The following MAMDC2 variants were observed in gnomAD, a reference collection of about 807,000 sequenced individuals.
MAMDC2 encodes the protein MAM domain containing 2.
In MAMDC2, 57 loss-of-function variants were observed where a neutral mutation model predicts 89.8. That is an observed-to-expected ratio of 0.63 (90% CI 0.51 to 0.79). The LOEUF (loss-of-function observed/expected upper bound fraction) is 0.79. Ranked by LOEUF, MAMDC2 falls within the 30% of genes least tolerant of loss-of-function variation. MAMDC2 has a pLI of 0.00. For missense variants in MAMDC2, 800 were observed against 820.6 expected (o/e 0.97, Z 0.31); for synonymous variants, 313 against 293.4 (o/e 1.07, Z -0.68).
In MAMDC2 at chr9:70,182,205, C is replaced by T. The variant is rs151281755; in HGVS notation, c.1651+11574C>T. On this transcript the variant is annotated intron_variant, in intron 11 of 13. Transcript: ENST00000377182. Reference sequence around the variant, plus strand: ...CAGCCTTGTATCCCAGGGATGAAGCCGACTTGATTGTGGTGGATAAGCTTT... The same window carrying T: ...CAGCCTTGTATCCCAGGGATGAAGCTGACTTGATTGTGGTGGATAAGCTTT... 6.0e-3 allele frequency among the ~76,000 whole-genome samples: 911 copies of T among 152,196 alleles called. 17 individuals are homozygous for T. The highest frequency in any genetic ancestry group is 0.02 in the African/African-American group (839 of 41,538).
chr9:70,085,953 T>G (rs1827762003), intron 2 of MAMDC2: 1 of 152,114 alleles, frequency 6.6e-6, no homozygotes, highest in Non-Finnish European at 1.5e-5. Context: ...TTTATTATCT[T>G]TCAACATGTT....
At chr9:70,052,540 C>G (rs1245053307) in intron 2 of MAMDC2, among the ~76,000 whole-genome samples, 1 of 152,170 alleles carries the variant, frequency 6.6e-6, no homozygotes, top group East Asian at 1.9e-4. Context: ...CCATGGCTCT[C>G]TGCACTTTCC....
At chr9:70,222,160 G>A (rs1207763170) in intron 12 of MAMDC2, among the ~76,000 whole-genome samples, 2 of 152,122 alleles carry the variant, frequency 1.3e-5, no homozygotes, top group Admixed American at 1.3e-4. Context: ...GAGACACCAA[G>A]ATGACTCCAA....
chr9:70,195,324 T>C (rs1001249410), intron 11 of MAMDC2, among the ~76,000 whole-genome samples: 7 of 152,100 alleles, frequency 4.6e-5, no homozygotes, highest in African/African-American at 9.7e-5. Context: ...AGATGGATAG[T>C]GACTTGCATC....
At chr9:70,218,863 G>T (rs1766164668) in intron 12 of MAMDC2, among the ~76,000 whole-genome samples, 1 of 152,086 alleles carries the variant, frequency 6.6e-6, no homozygotes, top group Admixed American at 6.5e-5. Flanking sequence ...GATACATTAT[G>T]GGTGTCAAGT....
intron 4 of MAMDC2, among the ~76,000 whole-genome samples, chr9:70,110,432 C>T (rs1828477159): frequency 6.6e-6 from 1 of 152,070 alleles, no homozygotes; most frequent in Non-Finnish European, 1.5e-5. Flanking sequence ...TTGGAGAGGA[C>T]TGAATAGGGA....
chr9:70,213,729 G>T (rs1427235065), intron 11 of MAMDC2, among the ~76,000 whole-genome samples: 4 of 109,690 alleles, frequency 3.6e-5, no homozygotes, highest in African/African-American at 1.5e-4. Flanking sequence ...GCTTGCCAGT[G>T]AAAGAATGAA....
At chr9:70,119,716 C>T (rs2030198253) in intron 5 of MAMDC2, among the ~76,000 whole-genome samples, 1 of 152,210 alleles carries the variant, frequency 6.6e-6, no homozygotes, top group South Asian at 2.1e-4. Flanking sequence ...AAGGTTTGTG[C>T]TTTGTCTCTT....
At chr9:70,165,801 C>T (rs2032153566) in intron 9 of MAMDC2, among the ~76,000 whole-genome samples, 1 of 152,178 alleles carries the variant, frequency 6.6e-6, no homozygotes, top group African/African-American at 2.4e-5. Flanking sequence ...GCTCGTGTGA[C>T]TGAATACATG....
intron 6 of MAMDC2, among the ~76,000 whole-genome samples, chr9:70,127,689 C>A (rs370029024): frequency 7.6e-4 from 115 of 150,366 alleles, no homozygotes; most frequent in Non-Finnish European, 1.3e-3. Flanking sequence ...TACCTCCCCC[C>A]ACAAAAAAAA....
At chr9:70,056,199 A>G (rs986100856) in intron 2 of MAMDC2, among the ~76,000 whole-genome samples, 3 of 152,204 alleles carry the variant, frequency 2.0e-5, no homozygotes, top group African/African-American at 7.2e-5. Context: ...CCAAAACTAC[A>G]ACTCAGGAAG....
At chr9:70,126,062 GATTATTTAGA>G (rs1400227378) in intron 5 of MAMDC2, 87 bp from the exon 6 acceptor site, 8 of 1,334,000 alleles carry the variant, frequency 6.0e-6, no homozygotes, top group Non-Finnish European at 8.3e-6. Context: ...ATTCCCACTG[GATTATTTAGA>G]ATGCAGAATC....
chr9:70,064,633 C>G (rs908910313), intron 2 of MAMDC2, among the ~76,000 whole-genome samples: 1 of 152,124 alleles, frequency 6.6e-6, no homozygotes, highest in Non-Finnish European at 1.5e-5. Flanking sequence ...ACAGCTTTTA[C>G]AGATAATTTT....
intron 11 of MAMDC2, among the ~76,000 whole-genome samples, chr9:70,212,612 C>A (rs540627520): frequency 6.6e-6 from 1 of 152,320 alleles, no homozygotes; most frequent in South Asian, 2.1e-4. Context: ...TCAGCTCACA[C>A]TCCGTGGGCT....
chr9:70,044,569 G>C lies in MAMDC2; in HGVS notation c.35-15G>C, dbSNP rs1385419547. On this transcript the variant is annotated splice_polypyrimidine_tract_variant and intron_variant, in intron 1 of 13. Coordinates refer to ENST00000377182, the MANE Select transcript of MAMDC2 (RefSeq NM_153267.5). ...CTGGGTGGAGCTCGAACTGAAACTC[G>C]CTTTGTGCCCGCAGCCCTGCAGCTC... The C allele has an allele frequency of 1.3e-6, 2 of 1,546,664 alleles. No homozygotes were observed. The highest frequency in any genetic ancestry group is 1.7e-6 in the Non-Finnish European group (2 of 1,145,502).
chr9:70,059,322 G>C (rs1827094658), intron 2 of MAMDC2, among the ~76,000 whole-genome samples: 1 of 152,132 alleles, frequency 6.6e-6, no homozygotes, highest in South Asian at 2.1e-4. Flanking sequence ...TTACAACCCA[G>C]TGACGAAGGT....
intron 2 of MAMDC2, among the ~76,000 whole-genome samples, chr9:70,103,914 G>A (rs1295973975): frequency 1.3e-5 from 2 of 151,774 alleles, no homozygotes; most frequent in African/African-American, 2.4e-5. Context: ...CCCAGGAGGT[G>A]GAGGTTGCAG....
intron 5 of MAMDC2, among the ~76,000 whole-genome samples, chr9:70,117,499 C>G (rs1223967978): frequency 6.6e-6 from 1 of 152,070 alleles, no homozygotes; most frequent in African/African-American, 2.4e-5. Context: ...GAAGAAATAC[C>G]TAATGTAGAT....
chr9:70,066,840 T>A (rs1827277519), intron 2 of MAMDC2, among the ~76,000 whole-genome samples: 1 of 152,182 alleles, frequency 6.6e-6, no homozygotes, highest in Admixed American at 6.5e-5. Context: ...ATTTGAAGAA[T>A]AAAGCCAATG....
Sources: allele counts gnomAD v4.1 joint callset (sites outside exome capture counted in the v4.1 genomes callset), GRCh38; gene constraint gnomAD v4.1.1; transcripts MANE v1.5; gene names NCBI Gene and HGNC (gene_info 2026-07-23, HGNC 2026-07-21).